The following SMYD3 variants were observed in gnomAD, a reference collection of about 807,000 sequenced individuals.
SMYD3 encodes the protein histone-lysine N-methyltransferase SMYD3.
In SMYD3, 36 loss-of-function variants were observed where a neutral mutation model predicts 57.7. The observed-to-expected ratio is 0.62, with a 90% CI of 0.48 to 0.82. SMYD3 has a LOEUF of 0.82. Among genes scored for constraint, SMYD3 ranks in the 40% least tolerant of loss-of-function variants. The pLI is 0.00. For synonymous variants in SMYD3, 211 were observed against 195.0 expected (o/e 1.08, Z -0.68); for missense variants, 515 against 538.8 (o/e 0.96, Z 0.44).
intron 5 of SMYD3, among the ~76,000 whole-genome samples, chr1:246,233,217 A>G (rs573747373): frequency 8.2e-6 from 1 of 122,284 alleles, no homozygotes; most frequent in East Asian, 5.6e-4. Flanking sequence ...TCACACTGTG[A>G]TGAACATATA....
chr1:246,014,748 C>T (rs1340709126), intron 5 of SMYD3, among the ~76,000 whole-genome samples: 2 of 151,996 alleles, frequency 1.3e-5, no homozygotes, highest in African/African-American at 4.8e-5. Context: ...TAAACCAATA[C>T]CCTAAAATAC....
At chr1:246,266,208 G>C (rs1007962066) in intron 5 of SMYD3, among the ~76,000 whole-genome samples, 6 of 152,056 alleles carry the variant, frequency 3.9e-5, no homozygotes, top group African/African-American at 1.4e-4. Flanking sequence ...ATGATTCCTA[G>C]GAAGTTTGGC....
Position 245,976,351 on chromosome 1 carries a change from CTAGCCCAGGGAAAGCCAT to C in SMYD3, c.532-46432_532-46415del, listed in dbSNP as rs2058424471. Among the ~76,000 whole-genome samples the C allele has an allele frequency of 5.4e-4, 3 of 5,546 alleles. 1 individual carries two copies. Among genetic ancestry groups the C allele is most frequent in the African/African-American group, 1.4e-3 (3 of 2,158 alleles). The allele number at this position is 5,546 out of a possible 152,430, so 3.6% of individuals were successfully genotyped here. On this transcript the variant is annotated intron_variant, in intron 5 of 11. Coordinates refer to ENST00000490107, the MANE Select transcript of SMYD3 (RefSeq NM_001167740.2). Reference sequence around the variant, plus strand: ...TCTAGCCCAGGGAAAGCCATCGTCTCTAGCCCAGGGAAAGCCATCGTCTCTAGCCCAGGGAAAGCCATC... The same window carrying C: ...TCTAGCCCAGGGAAAGCCATCGTCTCCGTCTCTAGCCCAGGGAAAGCCATC...
In SMYD3 at chr1:246,195,612, C is replaced by T. The variant is rs560812403; in HGVS notation, c.531+131589G>A. Among the ~76,000 whole-genome samples the T allele has an allele frequency of 3.8e-4, 58 of 152,146 alleles. 1 individual carries two copies. Among genetic ancestry groups the T allele is most frequent in the Non-Finnish European group, 7.2e-4 (49 of 67,990 alleles). On this transcript the variant is annotated intron_variant, in intron 5 of 11. Transcript: ENST00000490107. ...ATACACACAAATGTGCGTGCACGCG[C>T]GCACACACACACACACACACGCACT...
In SMYD3 at chr1:246,011,026, G is replaced by A. The variant is rs575161736; in HGVS notation, c.532-81089C>T. Reference sequence around the variant, plus strand: ...CTTGTCCCCATATGCGGCCCAGGAAGAGCGAAGTCTAGCACCACATTGGGA... The same window carrying A: ...CTTGTCCCCATATGCGGCCCAGGAAAAGCGAAGTCTAGCACCACATTGGGA... On this transcript the variant is annotated intron_variant, in intron 5 of 11. Coordinates refer to ENST00000490107, the MANE Select transcript of SMYD3 (RefSeq NM_001167740.2). Among the ~76,000 whole-genome samples the A allele has an allele frequency of 2.7e-4, 41 of 152,314 alleles. No homozygotes were observed. The South Asian group carries it at 3.1e-3, about 12-fold the overall frequency.
intron 5 of SMYD3, among the ~76,000 whole-genome samples, chr1:245,967,956 A>C (rs574098555): frequency 6.6e-6 from 1 of 152,300 alleles, no homozygotes; most frequent in Non-Finnish European, 1.5e-5. Flanking sequence ...TTGTGGCTTA[A>C]GGATGTTCCT....
At chr1:246,169,395 A>AAAC (rs1553304441) in intron 5 of SMYD3, among the ~76,000 whole-genome samples, 11 of 149,000 alleles carry the variant, frequency 7.4e-5, no homozygotes, top group African/African-American at 2.8e-4. Context: ...AAAAAAAAAA[A>AAAC]AAAAAAAAAC....
At chr1:245,930,592 C>T (rs1357382480) in intron 5 of SMYD3, 1 of 157,444 alleles carries the variant, frequency 6.4e-6, no homozygotes, top group Non-Finnish European at 1.4e-5. Flanking sequence ...TTAAAAACCT[C>T]GTTTGTGAAA....
At chr1:245,778,002 T>G (rs2046675457) in intron 10 of SMYD3, among the ~76,000 whole-genome samples, 1 of 151,676 alleles carries the variant, frequency 6.6e-6, no homozygotes, top group African/African-American at 2.4e-5. Context: ...GGCAGGAAAA[T>G]GATACAAAGT....
intron 7 of SMYD3, among the ~76,000 whole-genome samples, chr1:245,920,178 TG>T (rs2055789126): frequency 6.6e-6 from 1 of 151,982 alleles, no homozygotes; most frequent in Admixed American, 6.5e-5. Context: ...CCAGGCGTGG[TG>T]GCGGGCGCCT....
At chr1:246,323,938 A>T (rs1215357146) in intron 5 of SMYD3, among the ~76,000 whole-genome samples, 1 of 152,146 alleles carries the variant, frequency 6.6e-6, no homozygotes, top group Non-Finnish European at 1.5e-5. Flanking sequence ...TAAAAATGAC[A>T]GATATAAAAT....
At chr1:246,348,138 G>A (rs894677798) in intron 2 of SMYD3, among the ~76,000 whole-genome samples, 4 of 145,946 alleles carry the variant, frequency 2.7e-5, no homozygotes, top group Non-Finnish European at 4.5e-5. Context: ...CCCTTGGGCC[G>A]GGCGCATTGG....
intron 1 of SMYD3, among the ~76,000 whole-genome samples, chr1:246,497,859 C>T (rs2068388077): frequency 6.6e-6 from 1 of 150,660 alleles, no homozygotes; most frequent in Admixed American, 6.6e-5. Context: ...CAGGGAGACC[C>T]CAGTCTCTAG....
intron 1 of SMYD3, among the ~76,000 whole-genome samples, chr1:246,429,342 T>A (rs749337321): frequency 1.1e-4 from 16 of 152,140 alleles, no homozygotes; most frequent in Non-Finnish European, 2.2e-4. Context: ...ATGCTATGGA[T>A]TGTAAGACAT....
At chr1:246,104,460 C>T (rs888886861) in intron 5 of SMYD3, among the ~76,000 whole-genome samples, 1 of 152,170 alleles carries the variant, frequency 6.6e-6, no homozygotes, top group Admixed American at 6.5e-5. Context: ...GAAATTTCTA[C>T]AGCAATGTGA....
intron 5 of SMYD3, among the ~76,000 whole-genome samples, chr1:246,262,761 T>G (rs1234938097): frequency 2.0e-5 from 3 of 152,204 alleles, no homozygotes; most frequent in Non-Finnish European, 4.4e-5. Context: ...AAAATAAACA[T>G]TTACATAGAA....
At chr1:246,362,831 G>A (rs1398988043) in intron 1 of SMYD3, among the ~76,000 whole-genome samples, 1 of 152,140 alleles carries the variant, frequency 6.6e-6, no homozygotes, top group African/African-American at 2.4e-5. Flanking sequence ...CCTCCCAGCC[G>A]CCTGCCTTGG....
intron 10 of SMYD3, among the ~76,000 whole-genome samples, chr1:245,837,729 T>C (rs1335190891): frequency 1.3e-5 from 2 of 152,130 alleles, no homozygotes; most frequent in Admixed American, 1.3e-4. Context: ...ACCCGGAGAC[T>C]TCTAGTCCAC....
At chr1:246,427,499 G>T (rs560068775) in intron 1 of SMYD3, among the ~76,000 whole-genome samples, 70 of 138,798 alleles carry the variant, frequency 5.0e-4, no homozygotes, top group African/African-American at 1.8e-3. Flanking sequence ...CAGCCTGGGC[G>T]ACAGAGCGAG....
Sources: gnomAD v4.1 joint callset for allele counts (sites outside exome capture counted in the v4.1 genomes callset) on GRCh38, gnomAD v4.1.1 for gene constraint, MANE v1.5 for transcripts, NCBI Gene and HGNC (gene_info 2026-07-23, HGNC 2026-07-21) for gene names.